Variants in LMNTD2 observed in about 807,000 individuals in gnomAD.
LMNTD2 encodes lamin tail domain-containing protein 2.
Under a neutral mutation model 70.1 loss-of-function variants are expected in LMNTD2, and 83 were observed. The ratio of observed to expected loss-of-function variants is 1.18; its 90% CI spans 0.99 to 1.42. The LOEUF is 1.42. LMNTD2 is among the 40% of genes most tolerant of loss of function. The pLI is 0.00. For synonymous variants in LMNTD2, 534 were observed against 406.1 expected, an observed-to-expected ratio of 1.31 and a Z score of -3.79; for missense variants, 1,153 against 905.9, an observed-to-expected ratio of 1.27 and a Z score of -3.50.
In LMNTD2 at chr11:557,470, G is replaced by A. The variant is rs373453237; in HGVS notation, c.642C>T (p.Asp214=). Residue 214 remains aspartate, a synonymous_variant, in exon 7 of 14, where the codon GAC becomes GAT. Transcript: ENST00000329451. ...APTGEGFRLE[D]VDWNSVARRY... ...GGCGGGCAACGCTGTTCCAATCCAC[G>A]TCCTCCAGCCGAAAGCCCTGGCCAG... 39 of 1,611,056 alleles carry A rather than the reference G, an allele frequency of 2.4e-5. No homozygotes were observed. The highest frequency in any genetic ancestry group is 3.0e-5 in the Non-Finnish European group (35 of 1,178,868).
At chr11:559,365 G>T in intron 1 of LMNTD2, 1 of 1,335,706 alleles carries the variant, frequency 7.5e-7, no homozygotes, top group Non-Finnish European at 9.9e-7. Context: ...CGACCTCCAA[G>T]CAGGCCTGGG....
At position 557,996 on chromosome 11, in the gene LMNTD2, G is replaced by A. The variant is rs765747261; in HGVS notation, c.443C>T (p.Thr148Met). The change falls in exon 5 of 14, where the codon ACG (threonine) becomes ATG (methionine). Residue 148 changes from threonine (T) to methionine (M), a missense_variant. Physicochemically the swap from Thr to Met is moderately conservative, Grantham distance 81. Transcript: ENST00000329451. The part of the protein sequence containing the change: ...LEERLLQTTR[T>M]LQEMEAELQN... ...CAGCTCGGCCTCCATCTCCTGGAGC[G>A]TGCGGGTGGTCTGCAGCAGCCGCTC... 23 of 1,592,096 alleles carry A rather than the reference G, an allele frequency of 1.4e-5. No individual in the cohort carries two copies. The highest frequency in any genetic ancestry group is 4.5e-5 in the East Asian group (2 of 44,584).
chr11:560,492 G>T, intron 1 of LMNTD2, 191 bp downstream of exon 1: 1 of 1,257,954 alleles, frequency 7.9e-7, no homozygotes. Flanking sequence ...CGACCCCTGC[G>T]CGTCCAGACT....
chr11:555,129 TGA>T lies in LMNTD2; in HGVS notation c.1774-20_1774-19del, dbSNP rs1852710498. 5.5e-6 allele frequency: 6 copies of T among 1,081,132 alleles called. No homozygotes were observed. Among genetic ancestry groups the T allele is most frequent in the Non-Finnish European group, 7.0e-6 (6 of 863,212 alleles). 67.0% of individuals were successfully genotyped at this position (1,081,132 alleles called of 1,614,324 possible). On this transcript the variant is annotated intron_variant, in intron 13 of 13. Transcript: ENST00000329451. ...CGGCACACCTGGGGGGCGCGGGGGC[TGA>T]GAGGCGCGCGGGGCGGGGCGGGGAC...
intron 1 of LMNTD2, 84 bp from the exon 2 acceptor site, chr11:559,063 C>G (rs1347889627): frequency 7.7e-6 from 12 of 1,560,190 alleles, no homozygotes; most frequent in Middle Eastern, 1.7e-4. Context: ...TCTTCGGGAG[C>G]TGGGAGGGGT....
In LMNTD2 at chr11:555,399, G is replaced by C. The variant is rs535651529; in HGVS notation, c.1679C>G (p.Pro560Arg). ...NPEIPAPQHL[P>R]AIPGDPTLPS... ...CAGGGTGGGGTCACCCGGGATGGCG[G>C]GCAGGTGCTGCGGCGCGGGGATCTC... Residue 560 changes from proline (P) to arginine (R), a missense_variant, in exon 13 of 14, where the codon CCC becomes CGC. Physicochemically the swap from Pro to Arg is moderately radical, Grantham distance 103. Coordinates refer to ENST00000329451, the MANE Select transcript of LMNTD2 (RefSeq NM_173573.3). 32 of 1,404,576 alleles carry C rather than the reference G, an allele frequency of 2.3e-5. No homozygotes were observed. The highest frequency in any genetic ancestry group is 2.8e-5 in the Non-Finnish European group (30 of 1,083,798). 87.0% of individuals were successfully genotyped at this position (1,404,576 alleles called of 1,614,324 possible).
rs2134096192 is a variant in LMNTD2 at position 556,497 on chromosome 11, C to T, written c.1068G>A (p.Leu356=). 6.4e-7 allele frequency: 1 copy of T among 1,551,614 alleles called. No individual in the cohort carries two copies. The highest frequency in any genetic ancestry group is 8.7e-7 in the Non-Finnish European group (1 of 1,147,568). Residue 356 remains leucine, a synonymous_variant, in exon 9 of 14, where the codon CTG becomes CTA. Transcript: ENST00000329451. Reference sequence around the variant, plus strand: ...TTGGGTCACTCGCCCCTTACCTCTGCAGGAGTTCCGGGCTCCAGTGGTCCG... The same window carrying T: ...TTGGGTCACTCGCCCCTTACCTCTGTAGGAGTTCCGGGCTCCAGTGGTCCG... The part of the protein sequence containing the change: ...TDPDHWSPEL[L]QSPTGLKIVA...
intron 8 of LMNTD2, 45 bp downstream of exon 8, chr11:556,790 G>T: frequency 6.6e-7 from 1 of 1,504,144 alleles, no homozygotes. Flanking sequence ...CTGAGGGGGT[G>T]GAGGGTGGGT....
chr11:555,752 A>G lies in LMNTD2; in HGVS notation c.1556T>C (p.Val519Ala), dbSNP rs1219281836. The part of the protein sequence containing the change: ...LRKGRVREPR[V>A]SRRRPGTRGL... ...TCCCCACCCTGGTCTCCGGCGACTG[A>G]CCCGGGGCTCCCGCACCCGGCCTTT... Residue 519 changes from valine (V) to alanine (A), a missense_variant, in exon 12 of 14, where the codon GTC becomes GCC. Physicochemically the swap from Val to Ala is moderately conservative, Grantham distance 64. Transcript: ENST00000329451. The G allele has an allele frequency of 6.3e-6, 9 of 1,426,768 alleles. No individual in the cohort carries two copies. The highest frequency in any genetic ancestry group is 6.3e-6 in the Non-Finnish European group (7 of 1,103,162). 88.4% of individuals were successfully genotyped at this position (1,426,768 alleles called of 1,614,324 possible).
In LMNTD2 at chr11:558,595, T is replaced by C. The variant is rs1273342861; in HGVS notation, c.311+19A>G. 2 of 1,594,356 alleles carry C rather than the reference T, an allele frequency of 1.3e-6. No individual in the cohort carries two copies. ...AGGACAGGGCGGGGTTGGGTTGGGC[T>C]GGGGACTGTGCTGCAGACCTCTTGG... On this transcript the variant is annotated intron_variant, in intron 3 of 13. Coordinates refer to ENST00000329451, the MANE Select transcript of LMNTD2 (RefSeq NM_173573.3).
chr11:560,409 C>T (rs1853201566), intron 1 of LMNTD2: 7 of 1,230,084 alleles, frequency 5.7e-6, no homozygotes, highest in Non-Finnish European at 6.1e-6. Context: ...GCACCTCCCG[C>T]ACCAGGACTC....
At chr11:555,259 G>C in intron 13 of LMNTD2, 46 bp downstream of exon 13, 5 of 1,318,656 alleles carry the variant, frequency 3.8e-6, no homozygotes, top group Non-Finnish European at 4.9e-6. Flanking sequence ...GAGAGGAGGA[G>C]AACGAGGAGG....
At chr11:558,321 G>T in intron 3 of LMNTD2, 73 bp from the exon 4 acceptor site, 1 of 1,517,530 alleles carries the variant, frequency 6.6e-7, no homozygotes. Flanking sequence ...CAGTGGCGAA[G>T]GAGGGGAGAA....
Position 555,664 on chromosome 11 carries a change from A to T in LMNTD2, c.1574+70T>A, listed in dbSNP as rs938244840. On this transcript the variant is annotated intron_variant, in intron 12 of 13. Coordinates refer to ENST00000329451, the MANE Select transcript of LMNTD2 (RefSeq NM_173573.3). Reference sequence around the variant, plus strand: ...TAGGGGTCCGTCCTAGCGAGGGGATACGAGGGACCGTTTCTGCTGGGTCGG... The same window carrying T: ...TAGGGGTCCGTCCTAGCGAGGGGATTCGAGGGACCGTTTCTGCTGGGTCGG... 5 of 1,327,580 alleles carry T rather than the reference A, an allele frequency of 3.8e-6. No homozygotes were observed. The East Asian group carries it at 1.6e-4, about 42-fold the overall frequency. 82.2% of individuals were successfully genotyped at this position (1,327,580 alleles called of 1,614,324 possible).
intron 3 of LMNTD2, 47 bp from the exon 4 acceptor site, chr11:558,295 G>A (rs753481324): frequency 4.4e-6 from 7 of 1,576,204 alleles, no homozygotes; most frequent in Non-Finnish European, 6.1e-6. Flanking sequence ...TCAGGCAGGG[G>A]TTCCTAATGT....
intron 3 of LMNTD2, 176 bp downstream of exon 3, chr11:558,438 C>T (rs780904579): frequency 1.1e-5 from 12 of 1,058,982 alleles, no homozygotes; most frequent in South Asian, 4.9e-5. Flanking sequence ...CATCCACATG[C>T]GCAGGGTTAG....
rs975880134 is a variant in LMNTD2, at chr11:557,162, C to T, written c.714-65G>A. On this transcript the variant is annotated intron_variant, in intron 7 of 13. Coordinates refer to ENST00000329451, the MANE Select transcript of LMNTD2 (RefSeq NM_173573.3). ...GACCCCAGCCCTGCCCCCGTCCAGC[C>T]TCACAAGGCAGTGCAGCAGGGAGCC... 12 of 1,500,940 alleles carry T rather than the reference C, an allele frequency of 8.0e-6. No homozygotes were observed. In the African/African-American group the frequency reaches 1.2e-4, roughly 16 times the overall value. The allele number at this position is 1,500,940 out of a possible 1,614,324, so 93.0% of individuals were successfully genotyped here. A position where few individuals can be genotyped will look rare whatever the true frequency, so the allele number is the denominator to read the frequency against.
chr11:555,247 A>AGGAGAGGAGGAGAACGAGGAG, intron 13 of LMNTD2, 58 bp downstream of exon 13: 9 of 1,081,634 alleles, frequency 8.3e-6, no homozygotes, highest in Non-Finnish European at 1.0e-5. Context: ...GGGGCGGGAG[A>AGGAGAGGAGGAGAACGAGGAG]GGAGAGGAGG....
At chr11:558,829 C>G (rs369334050) in intron 2 of LMNTD2, 27 bp downstream of exon 2, 7 of 1,596,004 alleles carry the variant, frequency 4.4e-6, no homozygotes, top group Non-Finnish European at 6.0e-6. Flanking sequence ...GCCCAGGAGG[C>G]TCACCAGTCC....
Sources: gnomAD v4.1 joint callset for allele counts on GRCh38, gnomAD v4.1.1 for gene constraint, MANE v1.5 for transcripts, NCBI Gene and HGNC (gene_info 2026-07-23, HGNC 2026-07-21) for gene names.